NPAS2: variants seen among roughly 807,000 people sequenced by gnomAD.
The protein encoded by NPAS2 is neuronal PAS domain-containing protein 2.
In NPAS2, 23 loss-of-function variants were observed where a neutral mutation model predicts 107.5. That is an observed-to-expected ratio of 0.21 (90% CI 0.15 to 0.30). The LOEUF (loss-of-function observed/expected upper bound fraction) is 0.30, where lower values mean the gene tolerates loss of function less well. NPAS2 is among the 10% of genes least tolerant of loss of function. The pLI is 1.00. For synonymous variants in NPAS2, 403 were observed against 417.5 expected (o/e 0.97, Z 0.42); for missense variants, 756 against 1,043.3 (o/e 0.72, Z 3.79).
intron 2 of NPAS2, among the ~76,000 whole-genome samples, chr2:100,906,231 C>G (rs540153871): frequency 6.6e-6 from 1 of 152,330 alleles, no homozygotes; most frequent in Admixed American, 6.5e-5. Context: ...TCACAACCTA[C>G]AAGGGTTGCA....
chr2:100,927,084 G>A (rs1334793307), intron 3 of NPAS2, among the ~76,000 whole-genome samples: 1 of 151,556 alleles, frequency 6.6e-6, no homozygotes, highest in African/African-American at 2.4e-5. Flanking sequence ...GACTAGAGGT[G>A]CCACCACACC....
intron 1 of NPAS2, among the ~76,000 whole-genome samples, chr2:100,864,326 G>A (rs1036360908): frequency 1.3e-5 from 2 of 152,116 alleles, no homozygotes; most frequent in African/African-American, 4.8e-5. Flanking sequence ...AGTCCATCAG[G>A]ATAAAATATT....
chr2:100,819,769 G>A (rs1443194652), upstream of NPAS2, among the ~76,000 whole-genome samples: 1 of 148,572 alleles, frequency 6.7e-6, no homozygotes, highest in Non-Finnish European at 1.5e-5. This position sits in a 1 kb window ranked among gnomAD's most constrained non-coding sequence, Gnocchi z 5.8. Context: ...CTCTCCTCTG[G>A]GCCGGCTCAC....
At chr2:100,935,389 G>C (rs1188615143) in intron 4 of NPAS2, among the ~76,000 whole-genome samples, 2 of 152,138 alleles carry the variant, frequency 1.3e-5, no homozygotes, top group African/African-American at 4.8e-5. Context: ...GGCCATTATG[G>C]CACCTTTGGA....
chr2:100,832,318 C>T (rs936854791), intron 1 of NPAS2, among the ~76,000 whole-genome samples: 3 of 152,280 alleles, frequency 2.0e-5, no homozygotes, highest in African/African-American at 7.2e-5. Context: ...GGTCATTCAT[C>T]ATCCTTGTCC....
intron 1 of NPAS2, among the ~76,000 whole-genome samples, chr2:100,869,124 C>T (rs970371340): frequency 1.3e-5 from 2 of 150,038 alleles, no homozygotes; most frequent in Admixed American, 1.3e-4. Flanking sequence ...TTTGCAGAGA[C>T]AGGGTTTCAC....
chr2:100,877,594 G>A (rs1680062690), intron 1 of NPAS2, among the ~76,000 whole-genome samples: 1 of 152,168 alleles, frequency 6.6e-6, no homozygotes, highest in Non-Finnish European at 1.5e-5. Flanking sequence ...TGGGCTCACA[G>A]CCCCAAGGGT....
chr2:100,943,690 A>G (rs758972598), intron 5 of NPAS2, among the ~76,000 whole-genome samples: 26 of 152,306 alleles, frequency 1.7e-4, no homozygotes, highest in Non-Finnish European at 3.4e-4. Context: ...ACAGGAGGAC[A>G]TGATTGACAT....
chr2:100,982,625 A>G (rs6719533), intron 16 of NPAS2: 237,361 of 543,238 alleles, frequency 0.44, 53,997 homozygotes, highest in East Asian at 0.53. Context: ...ACATCTGCTC[A>G]CTGCCTCCAC....
chr2:100,941,876 T>C (rs1320710534), intron 5 of NPAS2, among the ~76,000 whole-genome samples: 1 of 152,182 alleles, frequency 6.6e-6, no homozygotes, highest in Non-Finnish European at 1.5e-5. Context: ...TGGGTTACTT[T>C]CTGATTTGTT....
chr2:100,990,268 A>AGCTAATGCAGC lies in NPAS2; in HGVS notation c.1840_1841insGCTAATGCAGC (p.Met614SerfsTer2). On this transcript the variant is annotated stop_gained and frameshift_variant, in exon 18 of 21. Transcript: ENST00000335681. LOFTEE classifies it high-confidence loss of function. ...AATGATGCTCCAGGGTCCAAAGCCAATGAGAAGCTCACAGCTAATGCAGAG... is the reference window on the plus strand; with the variant it reads ...AATGATGCTCCAGGGTCCAAAGCCAAGCTAATGCAGCTGAGAAGCTCACAGCTAATGCAGAG... 1.2e-6 allele frequency: 2 copies of AGCTAATGCAGC among 1,614,128 alleles called. No individual in the cohort carries two copies. The highest frequency in any genetic ancestry group is 1.7e-6 in the Non-Finnish European group (2 of 1,180,010).
intron 1 of NPAS2, among the ~76,000 whole-genome samples, chr2:100,832,843 A>G (rs1676827083): frequency 6.6e-6 from 1 of 152,192 alleles, no homozygotes; most frequent in East Asian, 1.9e-4. Context: ...GTGGTCAGCT[A>G]TCTAACCTCT....
chr2:100,897,967 G>A (rs981972195), intron 1 of NPAS2, among the ~76,000 whole-genome samples: 3 of 152,220 alleles, frequency 2.0e-5, no homozygotes, highest in African/African-American at 7.2e-5. Context: ...CAAGAGGAGA[G>A]GCAAATAGAA....
At chr2:100,832,593 C>A (rs2104373366) in intron 1 of NPAS2, among the ~76,000 whole-genome samples, 1 of 152,234 alleles carries the variant, frequency 6.6e-6, no homozygotes, top group African/African-American at 2.4e-5. Flanking sequence ...AGCCTTCCAA[C>A]TGTGCAGTAG....
intron 1 of NPAS2, among the ~76,000 whole-genome samples, chr2:100,833,072 T>G (rs1267477938): frequency 6.6e-6 from 1 of 152,212 alleles, no homozygotes; most frequent in East Asian, 1.9e-4. Flanking sequence ...ACATTCAGCC[T>G]GCACCGTGGG....
intron 1 of NPAS2, among the ~76,000 whole-genome samples, chr2:100,866,203 T>G (rs910666486): frequency 6.6e-6 from 1 of 152,156 alleles, no homozygotes; most frequent in Admixed American, 6.5e-5. Context: ...AGAGAACAGT[T>G]GATCAGGGCA....
intron 7 of NPAS2, chr2:100,962,735 TA>T (rs1439958314): frequency 6.6e-6 from 1 of 152,228 alleles, no homozygotes; most frequent in African/African-American, 2.4e-5. Context: ...TAAAAGTAAC[TA>T]ACTTTTTCTC....
rs1341332624 is a variant in NPAS2 at position 100,965,858 on chromosome 2, T to C, written c.907+92T>C. 8.9e-6 allele frequency: 7 copies of C among 783,502 alleles called. No homozygotes were observed. In the Admixed American group the frequency reaches 1.2e-4, roughly 13 times the overall value. The allele number at this position is 783,502 out of a possible 1,614,324, so 48.5% of individuals were successfully genotyped here. On this transcript the variant is annotated intron_variant, in intron 10 of 20. Coordinates refer to ENST00000335681, the MANE Select transcript of NPAS2 (RefSeq NM_002518.4). The surrounding 1 kb of genome is among the most constrained non-coding windows in gnomAD (Gnocchi z 4.3). ...GCTCTGGGACTCCAGAAGCCTCTGC[T>C]CGTTACCTGGTTTCTTTTTAAGGTG...
intron 1 of NPAS2, among the ~76,000 whole-genome samples, chr2:100,826,838 T>G (rs1676417391): frequency 6.6e-6 from 1 of 152,222 alleles, no homozygotes; most frequent in Non-Finnish European, 1.5e-5. Flanking sequence ...CTCCATATCT[T>G]AACTAACACA....
Sources: allele counts gnomAD v4.1 joint callset (sites outside exome capture counted in the v4.1 genomes callset), GRCh38; gene constraint gnomAD v4.1.1; non-coding constraint Gnocchi (gnomAD v3.1); transcripts MANE v1.5; gene names NCBI Gene and HGNC (gene_info 2026-07-23, HGNC 2026-07-21).